NLRP11: variants seen among roughly 807,000 people sequenced by gnomAD.
NLRP11 encodes the protein NACHT, LRR and PYD domains-containing protein 11.
In NLRP11, 53 loss-of-function variants were observed where a neutral mutation model predicts 79.3. The observed-to-expected ratio is 0.67, with a 90% CI of 0.54 to 0.84. The LOEUF (loss-of-function observed/expected upper bound fraction) is 0.84, where lower values mean the gene tolerates loss of function less well. NLRP11 is among the 40% of genes least tolerant of loss of function. The pLI, the probability that NLRP11 is intolerant of heterozygous loss-of-function variation, is 0.00. For synonymous variants in NLRP11, 518 were observed against 462.6 expected, an observed-to-expected ratio of 1.12 and a Z score of -1.54; for missense variants, 1,264 against 1,255.0, an observed-to-expected ratio of 1.01 and a Z score of -0.11.
chr19:55,785,575 T>A (rs571792157), exon 10 of NLRP11: 1 of 1,528,238 alleles, frequency 6.5e-7, no homozygotes, highest in African/African-American at 1.4e-5. Flanking sequence ...TTCTCTTGCA[T>A]CCCAGTCACG....
chr19:55,802,534 A>G (rs1036789434), intron 4 of NLRP11, among the ~76,000 whole-genome samples: 2 of 152,222 alleles, frequency 1.3e-5, no homozygotes, highest in Non-Finnish European at 2.9e-5. Flanking sequence ...AATGGAAAAA[A>G]CATTCCATGC....
At chr19:55,827,901 C>A (rs974493020) in intron 1 of NLRP11, among the ~76,000 whole-genome samples, 4 of 151,586 alleles carry the variant, frequency 2.6e-5, no homozygotes, top group Non-Finnish European at 5.9e-5. Context: ...TTTGACCCAG[C>A]CATCCCATTA....
exon 6 of NLRP11, chr19:55,796,142 G>A (rs756073745): frequency 2.5e-6 from 4 of 1,613,886 alleles, no homozygotes; most frequent in African/African-American, 1.3e-5. Context: ...TCATCCCGTC[G>A]CTCCTCAGCG....
chr19:55,792,478 A>G lies in NLRP11; in HGVS notation c.2343-7T>C, dbSNP rs139831151. ...GAGACAGCAGAAGACTAACCTGCACACAGAGAAGAGTGAGTCAGTGACAGT... is the reference window on the plus strand; with the variant it reads ...GAGACAGCAGAAGACTAACCTGCACGCAGAGAAGAGTGAGTCAGTGACAGT... On this transcript the variant is annotated splice_region_variant and splice_polypyrimidine_tract_variant and intron_variant, in intron 6 of 9. Transcript: ENST00000589093. 21 of 1,613,260 alleles carry G rather than the reference A, an allele frequency of 1.3e-5. No individual in the cohort carries two copies. The East Asian group carries it at 3.6e-4, about 27-fold the overall frequency.
chr19:55,822,465 A>C (rs1466656258), intron 1 of NLRP11, among the ~76,000 whole-genome samples: 1 of 152,190 alleles, frequency 6.6e-6, no homozygotes, highest in Non-Finnish European at 1.5e-5. Flanking sequence ...TGAGCAACGC[A>C]GAAGACGGGT....
chr19:55,800,997 T>G (rs1461468194), intron 5 of NLRP11: 1 of 152,156 alleles, frequency 6.6e-6, no homozygotes, highest in African/African-American at 2.4e-5. Flanking sequence ...CTGACCAACA[T>G]GGAGAAACCC....
At chr19:55,806,708 T>G (rs1980029942) in intron 4 of NLRP11, among the ~76,000 whole-genome samples, 3 of 152,068 alleles carry the variant, frequency 2.0e-5, no homozygotes, top group Non-Finnish European at 4.4e-5. Flanking sequence ...TCAAAATGCC[T>G]CACCTCACTC....
In NLRP11 at chr19:55,809,379, T is replaced by A. The variant is rs373030640; in HGVS notation, c.1231A>T (p.Asn411Tyr). The A allele has an allele frequency of 8.1e-6, 13 of 1,614,006 alleles. No individual in the cohort carries two copies. In the African/African-American group the frequency reaches 1.7e-4, roughly 22 times the overall value. The change falls in exon 3 of 10, where the codon AAT (asparagine) becomes TAT (tyrosine). Residue 411 changes from asparagine (N) to tyrosine (Y), a missense_variant. Physicochemically the swap from Asn to Tyr is moderately radical, Grantham distance 143 (BLOSUM62 -2). Transcript: ENST00000589093. The surrounding 1 kb of genome is among the most constrained non-coding windows in gnomAD (Gnocchi z 4.5). ...CATCTGAGGTCTTCACCACTGAAAT[T>A]CAGGGTGCTCAGAAACAGTCCTCCT...
intron 4 of NLRP11, 75 bp downstream of exon 4, chr19:55,807,778 C>T: frequency 9.9e-7 from 1 of 1,015,110 alleles, no homozygotes. Flanking sequence ...TGTATATTGT[C>T]TTCTCCCAGA....
chr19:55,811,363 G>A (rs1390152846), intron 2 of NLRP11, among the ~76,000 whole-genome samples: 1 of 152,184 alleles, frequency 6.6e-6, no homozygotes, highest in Admixed American at 6.5e-5. Flanking sequence ...TCCTTCCTTA[G>A]TGAGCAGATA....
At chr19:55,811,646 CCTTA>C (rs1224582718) in intron 2 of NLRP11, among the ~76,000 whole-genome samples, 1 of 152,030 alleles carries the variant, frequency 6.6e-6, no homozygotes, top group Admixed American at 6.6e-5. Context: ...AGGACTTTCT[CCTTA>C]CTGTTTTTAT....
Position 55,810,246 on chromosome 19 carries a change from G to GA in NLRP11, c.363dup (p.Arg122SerfsTer2), listed in dbSNP as rs1447127037. ...TAGAACACATCTGACGAAACGTCAC[G>GA]AAAAAATTTATAATGAAATTTTCCA... On this transcript the variant is annotated frameshift_variant, in exon 3 of 10. Transcript: ENST00000589093. LOFTEE classifies it high-confidence loss of function. 6.2e-7 allele frequency: 1 copy of GA among 1,613,684 alleles called. No individual in the cohort carries two copies. Among genetic ancestry groups the GA allele is most frequent in the Non-Finnish European group, 8.5e-7 (1 of 1,179,802 alleles).
In NLRP11 at chr19:55,803,964, C is replaced by A. The variant is rs533525352; in HGVS notation, c.2004-2225G>T. Among the ~76,000 whole-genome samples, 3 of 152,238 alleles carry A rather than the reference C, an allele frequency of 2.0e-5. No individual in the cohort carries two copies. The East Asian group carries it at 5.8e-4, about 29-fold the overall frequency. ...CAGCTTGGTGGTGCATGTCTGTAAT[C>A]CCAGCTACTCAGGAGGCTGAGGCAG... On this transcript the variant is annotated intron_variant, in intron 4 of 9. Transcript: ENST00000589093.
intron 4 of NLRP11, among the ~76,000 whole-genome samples, chr19:55,803,550 A>T (rs569176822): frequency 4.6e-5 from 7 of 152,344 alleles, no homozygotes; most frequent in African/African-American, 1.7e-4. Context: ...AAACCTTTGC[A>T]AACAATGCAT....
intron 2 of NLRP11, among the ~76,000 whole-genome samples, chr19:55,816,291 G>T (rs1475578729): frequency 1.3e-5 from 2 of 152,120 alleles, no homozygotes; most frequent in African/African-American, 4.8e-5. Context: ...CACAAAGAAG[G>T]TCATTATGTA....
At chr19:55,822,937 T>C (rs1981925376) in intron 1 of NLRP11, among the ~76,000 whole-genome samples, 1 of 152,178 alleles carries the variant, frequency 6.6e-6, no homozygotes, top group African/African-American at 2.4e-5. Flanking sequence ...TGCCTGCCTC[T>C]ATAGGCTCCA....
At chr19:55,795,664 A>T (rs890712094) in intron 6 of NLRP11, among the ~76,000 whole-genome samples, 4 of 151,836 alleles carry the variant, frequency 2.6e-5, no homozygotes, top group Admixed American at 2.6e-4. Context: ...TAATTTTTGT[A>T]TTTTTAGTAG....
At chr19:55,794,884 T>C (rs1978672277) in intron 6 of NLRP11, among the ~76,000 whole-genome samples, 3 of 152,118 alleles carry the variant, frequency 2.0e-5, no homozygotes, top group Admixed American at 2.0e-4. Flanking sequence ...TAAAGAATAT[T>C]ATATCAGTTT....
exon 7 of NLRP11, chr19:55,792,312 T>C (rs765432858): frequency 1.2e-6 from 2 of 1,614,018 alleles, no homozygotes; most frequent in Admixed American, 1.7e-5. Context: ...GAAGCTCCTC[T>C]AACTGACAGG....
Sources: allele counts gnomAD v4.1 joint callset (sites outside exome capture counted in the v4.1 genomes callset), GRCh38; gene constraint gnomAD v4.1.1; non-coding constraint Gnocchi (gnomAD v3.1); transcripts MANE v1.5; gene names NCBI Gene and HGNC (gene_info 2026-07-23, HGNC 2026-07-21).